Variants in COL4A2 observed in about 807,000 individuals in gnomAD.
COL4A2 encodes collagen type IV alpha 2 chain.
Under a neutral mutation model 200.2 loss-of-function variants are expected in COL4A2, and 99 were observed. That is an observed-to-expected ratio of 0.49 (90% CI 0.42 to 0.58). COL4A2 has a LOEUF of 0.58. Ranked by LOEUF, COL4A2 falls within the 20% of genes least tolerant of loss-of-function variation. COL4A2 has a pLI of 0.00. For missense variants in COL4A2, 1,950 were observed against 2,314.1 expected (o/e 0.84, Z 3.23); for synonymous variants, 897 against 900.6 (o/e 1.00, Z 0.07).
intron 47 of COL4A2, among the ~76,000 whole-genome samples, chr13:110,509,154 G>A: frequency 6.6e-6 from 1 of 151,088 alleles, no homozygotes; most frequent in Non-Finnish European, 1.5e-5. Context: ...TGAGGACAGT[G>A]GGTCTTCCAG....
intron 3 of COL4A2, among the ~76,000 whole-genome samples, chr13:110,342,495 A>G (rs1274045616): frequency 2.0e-5 from 3 of 152,200 alleles, no homozygotes; most frequent in African/African-American, 2.4e-5. Context: ...GGGGAAGATG[A>G]TAAAATGCAG....
At chr13:110,342,802 C>T (rs572691723) in intron 3 of COL4A2, among the ~76,000 whole-genome samples, 89 of 152,244 alleles carry the variant, frequency 5.8e-4, no homozygotes, top group Middle Eastern at 3.4e-3. Context: ...ACTGGAGACC[C>T]GCACACCCGA....
chr13:110,416,980 CTT>C (rs747163380), intron 4 of COL4A2, among the ~76,000 whole-genome samples: 1 of 146,250 alleles, frequency 6.8e-6, no homozygotes, highest in South Asian at 2.2e-4. Flanking sequence ...CCCTGGCAGA[CTT>C]TTCTTTTTTT....
At chr13:110,468,296 G>T (rs202029857) in intron 27 of COL4A2, 1 of 471,526 alleles carries the variant, frequency 2.1e-6, no homozygotes, top group South Asian at 1.5e-5. Flanking sequence ...TGTATCTTCC[G>T]CGTTCCATTA....
rs185332559 is a variant in COL4A2 at position 110,466,137 on chromosome 13, A to G, written c.2038+75A>G. The G allele has an allele frequency of 5.3e-3, 8,013 of 1,514,774 alleles. 22 individuals are homozygous for G. Among genetic ancestry groups the G allele is most frequent in the Non-Finnish European group, 6.3e-3 (6,956 of 1,111,648 alleles). 93.8% of individuals were successfully genotyped at this position (1,514,774 alleles called of 1,614,324 possible). The stretch of plus-strand genomic sequence containing the variant: ...GGTCTGCTGGTTAAGCTCTTGCAGT[A>G]TGCGTGGGATAAGAAATATTAATAA... On this transcript the variant is annotated intron_variant, in intron 26 of 47. Transcript: ENST00000360467.
intron 47 of COL4A2, among the ~76,000 whole-genome samples, chr13:110,510,672 TGTGTGTGC>T (rs1566576322): frequency 6.6e-6 from 1 of 152,198 alleles, no homozygotes; most frequent in East Asian, 1.9e-4. Flanking sequence ...GTGTACACCA[TGTGTGTGC>T]ATGTGTGCAT....
At chr13:110,420,894 C>T (rs1039134225) in intron 4 of COL4A2, among the ~76,000 whole-genome samples, 2 of 152,214 alleles carry the variant, frequency 1.3e-5, no homozygotes, top group African/African-American at 2.4e-5. Context: ...TTGTGCACAG[C>T]GGAGAGGGAT....
chr13:110,387,167 A>G (rs1878787516), intron 4 of COL4A2, among the ~76,000 whole-genome samples: 1 of 151,994 alleles, frequency 6.6e-6, no homozygotes, highest in Non-Finnish European at 1.5e-5. Flanking sequence ...TGAACCCGGG[A>G]GGTGGAGGTT....
Position 110,452,444 on chromosome 13 carries a change from G to T in COL4A2, c.1339+1990G>T, listed in dbSNP as rs374748705. 5.3e-5 allele frequency among the ~76,000 whole-genome samples: 8 copies of T among 152,334 alleles called. No individual in the cohort carries two copies. The South Asian group carries it at 1.7e-3, about 32-fold the overall frequency. On this transcript the variant is annotated intron_variant, in intron 20 of 47. Coordinates refer to ENST00000360467, the MANE Select transcript of COL4A2 (RefSeq NM_001846.4). ...CCCAAAGTGCTGGGATTACAGGCAT[G>T]AGCCAACGCGCCCGGCCCAAAGTCT... is the stretch of plus-strand genomic sequence containing the variant.
chr13:110,405,664 G>A (rs887376052), intron 4 of COL4A2, among the ~76,000 whole-genome samples: 3 of 152,334 alleles, frequency 2.0e-5, no homozygotes, highest in African/African-American at 7.2e-5. Context: ...TTGTGAAGAC[G>A]TGGTAGCTGC....
chr13:110,425,806 A>G (rs1326661802), intron 6 of COL4A2, among the ~76,000 whole-genome samples: 3 of 152,100 alleles, frequency 2.0e-5, no homozygotes, highest in Non-Finnish European at 4.4e-5. Flanking sequence ...GAGTAGGGCC[A>G]TGCCTTGCAG....
chr13:110,412,017 G>A, intron 4 of COL4A2, among the ~76,000 whole-genome samples: 1 of 152,198 alleles, frequency 6.6e-6, no homozygotes, highest in Non-Finnish European at 1.5e-5. Context: ...GTCAGCTGCT[G>A]TTCTAGCTTA....
At chr13:110,502,785 G>A (rs1883693686) in intron 41 of COL4A2, 1 of 251,756 alleles carries the variant, frequency 4.0e-6, no homozygotes, top group South Asian at 5.4e-5. Context: ...GAAACAGAAA[G>A]TACAATGGCT....
rs570175151 is a variant in COL4A2, at chr13:110,488,994, C to T, written c.3208-451C>T. On this transcript the variant is annotated intron_variant, in intron 34 of 47. Transcript: ENST00000360467. ...CCTGTAATCCCAGCACTTTGGGAAGCAGAGGAGAGAGAATCACTTGAACCC... is the reference window on the plus strand; with the variant it reads ...CCTGTAATCCCAGCACTTTGGGAAGTAGAGGAGAGAGAATCACTTGAACCC... 5.3e-5 allele frequency among the ~76,000 whole-genome samples: 8 copies of T among 152,272 alleles called. No individual in the cohort carries two copies. In the South Asian group the frequency reaches 1.0e-3, roughly 20 times the overall value.
Position 110,458,946 on chromosome 13 carries a change from T to G in COL4A2, c.1596+12T>G, listed in dbSNP as rs1410422721. ...TCCCAGGGCTCAAGGTGAGGAGCAA[T>G]TTCATCATGAAGCTGGCAAGACACT... On this transcript the variant is annotated intron_variant, in intron 22 of 47. Transcript: ENST00000360467. 1 of 1,535,900 alleles carries G rather than the reference T, an allele frequency of 6.5e-7. No homozygotes were observed. The highest frequency in any genetic ancestry group is 1.4e-5 in the African/African-American group (1 of 71,808).
intron 3 of COL4A2, among the ~76,000 whole-genome samples, chr13:110,342,920 GA>G (rs1337329032): frequency 8.5e-5 from 13 of 152,248 alleles, no homozygotes; most frequent in Non-Finnish European, 1.9e-4. Context: ...AAAAAGACTA[GA>G]AAAATCAACT....
At position 110,358,618 on chromosome 13, in the gene COL4A2, CAT is replaced by C. The variant is rs1278345308; in HGVS notation, c.180+1067_180+1068del. Reference sequence around the variant, plus strand: ...TTGTCCCCACCAGCACCACCACAAACATGTGGGTTATGCGCTGGGCAGATCCG... The same window carrying C: ...TTGTCCCCACCAGCACCACCACAAACGTGGGTTATGCGCTGGGCAGATCCG... On this transcript the variant is annotated intron_variant, in intron 4 of 47. Transcript: ENST00000360467. Among the ~76,000 whole-genome samples, 8 of 152,220 alleles carry C rather than the reference CAT, an allele frequency of 5.3e-5. No individual in the cohort carries two copies. The East Asian group carries it at 7.7e-4, about 15-fold the overall frequency.
intron 29 of COL4A2, among the ~76,000 whole-genome samples, chr13:110,477,458 A>G (rs1882745830): frequency 6.6e-6 from 1 of 152,252 alleles, no homozygotes; most frequent in Non-Finnish European, 1.5e-5. Context: ...TTGCTTTGAT[A>G]CACGATGTCA....
At chr13:110,441,007 A>G (rs1456455325) in intron 16 of COL4A2, among the ~76,000 whole-genome samples, 1 of 152,250 alleles carries the variant, frequency 6.6e-6, no homozygotes, top group Non-Finnish European at 1.5e-5. Flanking sequence ...TAGGTGCGCC[A>G]TATTTCCTTA....
Sources: gnomAD v4.1 joint callset for allele counts (sites outside exome capture counted in the v4.1 genomes callset) on GRCh38, gnomAD v4.1.1 for gene constraint, MANE v1.5 for transcripts, NCBI Gene and HGNC (gene_info 2026-07-23, HGNC 2026-07-21) for gene names.